Variants in AGBL1 observed in about 807,000 individuals in gnomAD.
AGBL1 encodes the protein cytosolic carboxypeptidase 4.
AGBL1 carries 130 observed loss-of-function variants against 118.9 expected under a neutral mutation model. That is an observed-to-expected ratio of 1.09 (90% CI 0.95 to 1.26). The LOEUF (loss-of-function observed/expected upper bound fraction) is 1.26. AGBL1 is among the 50% of genes most tolerant of loss of function. AGBL1 has a pLI of 0.00. For missense variants in AGBL1, 1,584 were observed against 1,298.1 expected (o/e 1.22, Z -3.38); for synonymous variants, 555 against 478.9 (o/e 1.16, Z -2.08).
At chr15:86,188,260 T>C (rs1398985907) in intron 5 of AGBL1, among the ~76,000 whole-genome samples, 1 of 152,194 alleles carries the variant, frequency 6.6e-6, no homozygotes, top group Non-Finnish European at 1.5e-5. Flanking sequence ...GCTGATCCTG[T>C]CAGTTCTTGT....
chr15:86,584,077 G>T (rs895666871), intron 21 of AGBL1, among the ~76,000 whole-genome samples: 4 of 152,062 alleles, frequency 2.6e-5, no homozygotes, highest in African/African-American at 9.7e-5. Flanking sequence ...GTAAATTCTG[G>T]ATATTAGACC....
At chr15:86,711,660 A>G (rs889423208) in intron 22 of AGBL1, among the ~76,000 whole-genome samples, 1 of 152,188 alleles carries the variant, frequency 6.6e-6, no homozygotes, top group Non-Finnish European at 1.5e-5. Flanking sequence ...TTGGCAAACT[A>G]TGGCCCACTG....
In AGBL1 at chr15:86,615,304, G is replaced by A. The variant is rs767614558; in HGVS notation, c.2995-58969G>A. Among the ~76,000 whole-genome samples, 15 of 152,172 alleles carry A rather than the reference G, an allele frequency of 9.9e-5. No individual in the cohort carries two copies. The highest frequency in any genetic ancestry group is 1.6e-4 in the Non-Finnish European group (11 of 68,032). ...ACCAGCCTAGGAAAAGATGTGATGAGGGACTGTGGTAAAGACTAGAGTGGA... is the reference window on the plus strand; with the variant it reads ...ACCAGCCTAGGAAAAGATGTGATGAAGGACTGTGGTAAAGACTAGAGTGGA... On this transcript the variant is annotated intron_variant, in intron 21 of 22. Coordinates refer to ENST00000614907, the MANE Select transcript of AGBL1 (RefSeq NM_001386094.1). This position sits in a 1 kb window ranked among gnomAD's most constrained non-coding sequence, Gnocchi z 4.3.
chr15:86,832,166 T>TA (rs1024777911), intron 22 of AGBL1, among the ~76,000 whole-genome samples: 5 of 152,196 alleles, frequency 3.3e-5, no homozygotes, highest in African/African-American at 1.2e-4. Context: ...ATTTTCCTCC[T>TA]AGGCCCCCAG....
chr15:86,382,172 G>A (rs1367915460), intron 17 of AGBL1, among the ~76,000 whole-genome samples: 1 of 142,750 alleles, frequency 7.0e-6, no homozygotes, highest in African/African-American at 2.6e-5. Context: ...GGGGAGTGGG[G>A]GACATGCCCC....
At chr15:86,410,045 C>T (rs2081587127) in intron 18 of AGBL1, among the ~76,000 whole-genome samples, 1 of 152,110 alleles carries the variant, frequency 6.6e-6, no homozygotes, top group African/African-American at 2.4e-5. Context: ...AAAGCAAACC[C>T]TTGGGTATAA....
At chr15:86,732,332 A>G (rs561198068) in intron 22 of AGBL1, among the ~76,000 whole-genome samples, 1 of 152,320 alleles carries the variant, frequency 6.6e-6, no homozygotes, top group East Asian at 1.9e-4. Flanking sequence ...TTGATCTCAT[A>G]TAATCTACTC....
chr15:86,102,668 T>A (rs796125122), intron 1 of AGBL1, among the ~76,000 whole-genome samples: 10 of 152,342 alleles, frequency 6.6e-5, no homozygotes, highest in African/African-American at 2.4e-4. Context: ...CTAATAGAGG[T>A]TCCCTCATAA....
At chr15:86,313,658 C>T (rs972190280) in intron 17 of AGBL1, among the ~76,000 whole-genome samples, 1 of 152,132 alleles carries the variant, frequency 6.6e-6, no homozygotes. Context: ...GTTGTTCAGA[C>T]CCCAATAATT....
intron 7 of AGBL1, among the ~76,000 whole-genome samples, chr15:86,252,773 G>A (rs2078836827): frequency 6.6e-6 from 1 of 152,144 alleles, no homozygotes; most frequent in South Asian, 2.1e-4. Context: ...AGAGCGAGTG[G>A]GACAACTAGG....
At chr15:86,454,525 C>A (rs1382988130) in intron 18 of AGBL1, among the ~76,000 whole-genome samples, 1 of 152,068 alleles carries the variant, frequency 6.6e-6, no homozygotes, top group Non-Finnish European at 1.5e-5. Flanking sequence ...GATGAATAAG[C>A]AAATTGTGGC....
chr15:87,028,278 A>G (rs1488179937), intron 24 of AGBL1, among the ~76,000 whole-genome samples: 1 of 151,978 alleles, frequency 6.6e-6, no homozygotes, highest in Non-Finnish European at 1.5e-5. Flanking sequence ...TTATAATACA[A>G]CTATCATGCA....
intron 22 of AGBL1, among the ~76,000 whole-genome samples, chr15:86,855,397 C>T (rs938408411): frequency 2.6e-5 from 4 of 152,228 alleles, no homozygotes; most frequent in Non-Finnish European, 4.4e-5. Context: ...CTCTTGAGTT[C>T]CAGGGCTTGA....
intron 22 of AGBL1, among the ~76,000 whole-genome samples, chr15:86,851,637 C>G (rs1396880009): frequency 6.6e-6 from 1 of 152,164 alleles, no homozygotes. Flanking sequence ...TTCTTCCATC[C>G]TCAGAGTCTC....
At chr15:86,230,146 C>T (rs1035652849) in intron 6 of AGBL1, among the ~76,000 whole-genome samples, 2 of 152,132 alleles carry the variant, frequency 1.3e-5, no homozygotes, top group African/African-American at 2.4e-5. Context: ...AGGGACAGCC[C>T]GTCAGCCTGT....
intron 18 of AGBL1, among the ~76,000 whole-genome samples, chr15:86,407,972 C>A (rs1258362672): frequency 3.3e-5 from 5 of 152,158 alleles, no homozygotes; most frequent in Non-Finnish European, 7.4e-5. Flanking sequence ...CAGGACTCCT[C>A]TGCAGGAGGG....
intron 22 of AGBL1, among the ~76,000 whole-genome samples, chr15:86,787,333 T>G (rs920962138): frequency 1.3e-5 from 2 of 152,120 alleles, no homozygotes; most frequent in Non-Finnish European, 2.9e-5. Flanking sequence ...TGCTGTACAT[T>G]AGATCTCTAG....
intron 22 of AGBL1, among the ~76,000 whole-genome samples, chr15:86,877,131 G>T (rs147164785): frequency 3.0e-4 from 46 of 152,164 alleles, no homozygotes; most frequent in African/African-American, 1.1e-3. Flanking sequence ...ACCTTTCTCT[G>T]TTCAAATGCA....
chr15:86,425,873 G>A (rs1023025945), intron 18 of AGBL1, among the ~76,000 whole-genome samples: 5 of 152,058 alleles, frequency 3.3e-5, no homozygotes, highest in African/African-American at 7.2e-5. Context: ...TCTTTTTACC[G>A]TCACACTGTC....
Sources: allele counts gnomAD v4.1 joint callset (sites outside exome capture counted in the v4.1 genomes callset), GRCh38; gene constraint gnomAD v4.1.1; non-coding constraint Gnocchi (gnomAD v3.1); transcripts MANE v1.5; gene names NCBI Gene and HGNC (gene_info 2026-07-23, HGNC 2026-07-21).